The following FYCO1 variants were observed in gnomAD, a reference collection of about 807,000 sequenced individuals.
FYCO1 encodes the protein FYVE and coiled-coil domain-containing protein 1.
In FYCO1, 122 loss-of-function variants were observed where a neutral mutation model predicts 165.1. That is an observed-to-expected ratio of 0.74 (90% CI 0.64 to 0.86). The LOEUF is 0.86. Ranked by LOEUF, FYCO1 falls within the 40% of genes least tolerant of loss-of-function variation. The pLI is 0.00. For synonymous variants in FYCO1, 648 were observed against 742.5 expected, an observed-to-expected ratio of 0.87 and a Z score of 2.07; for missense variants, 1,702 against 1,810.3, an observed-to-expected ratio of 0.94 and a Z score of 1.09.
chr3:45,994,201 A>G (rs1707688292), intron 1 of FYCO1, among the ~76,000 whole-genome samples: 1 of 147,532 alleles, frequency 6.8e-6, no homozygotes, highest in Non-Finnish European at 1.5e-5. Context: ...GACTGTTACC[A>G]ATCTCTAAAG....
intron 14 of FYCO1, among the ~76,000 whole-genome samples, chr3:45,952,472 GT>G (rs1559452432): frequency 6.6e-6 from 1 of 152,162 alleles, no homozygotes; most frequent in Non-Finnish European, 1.5e-5. Context: ...CAAAAAAAGT[GT>G]CTGACAACGC....
At chr3:45,924,460 G>A (rs1210137969) in intron 16 of FYCO1, among the ~76,000 whole-genome samples, 2 of 152,266 alleles carry the variant, frequency 1.3e-5, no homozygotes, top group Admixed American at 6.5e-5. Flanking sequence ...AAGGGTGTGT[G>A]CTAGACAGGG....
At chr3:45,937,018 T>C (rs1703932052) in intron 14 of FYCO1, among the ~76,000 whole-genome samples, 1 of 152,052 alleles carries the variant, frequency 6.6e-6, no homozygotes, top group Non-Finnish European at 1.5e-5. Context: ...CCTTAGAACA[T>C]TTTGGCAAAT....
intron 15 of FYCO1, among the ~76,000 whole-genome samples, chr3:45,933,320 T>C (rs1575331279): frequency 1.3e-5 from 2 of 152,212 alleles, no homozygotes; most frequent in East Asian, 1.9e-4. Flanking sequence ...CATGATGTTG[T>C]TGCTAATCCT....
intron 4 of FYCO1, among the ~76,000 whole-genome samples, chr3:45,978,514 T>C (rs925905531): frequency 2.0e-5 from 3 of 152,170 alleles, no homozygotes; most frequent in Non-Finnish European, 4.4e-5. Context: ...TCTAACACCA[T>C]CATTCTCTAT....
rs1443216900 is a variant in FYCO1, at chr3:45,935,693, T to G, written c.4040+755A>C. 2.0e-5 allele frequency among the ~76,000 whole-genome samples: 3 copies of G among 152,250 alleles called. No homozygotes were observed. The East Asian group carries it at 5.8e-4, about 29-fold the overall frequency. ...ATCTTTTTCCATAGCAAGCACTACC[T>G]TGTAACATTTATACAATATTGACTT... On this transcript the variant is annotated intron_variant, in intron 15 of 17. Transcript: ENST00000296137.
chr3:45,978,045 G>T (rs1207347686), intron 4 of FYCO1, among the ~76,000 whole-genome samples: 1 of 152,164 alleles, frequency 6.6e-6, no homozygotes, highest in Non-Finnish European at 1.5e-5. Flanking sequence ...AGCAAGGAAT[G>T]TTTTTTGCTT....
At position 45,967,218 on chromosome 3, in the gene FYCO1, C is replaced by T; in HGVS notation, c.2116G>A (p.Glu706Lys). 6.2e-7 allele frequency: 1 copy of T among 1,614,082 alleles called. No homozygotes were observed. Among genetic ancestry groups the T allele is most frequent in the East Asian group, 2.2e-5 (1 of 44,870 alleles). ...TCCCGCAGCTGCTGACACTCGCCCT[C>T]CTTGCTCTGTAGAATGGCCTCCTTC... The part of the protein sequence containing the change: ...AEKEAILQSK[E>K]GECQQLREEV... Residue 706 changes from glutamate (E) to lysine (K), a missense_variant, in exon 8 of 18, where the codon GAG becomes AAG. Coordinates refer to ENST00000296137, the MANE Select transcript of FYCO1 (RefSeq NM_024513.4).
chr3:45,965,003 C>G (rs748307262), intron 9 of FYCO1, 30 bp downstream of exon 9: 3 of 1,584,744 alleles, frequency 1.9e-6, no homozygotes, highest in South Asian at 1.1e-5. Context: ...GATGCCCTCT[C>G]CCTGACAGGT....
chr3:45,980,421 T>TAGGGAAATAAGATAATG, intron 3 of FYCO1, among the ~76,000 whole-genome samples: 1 of 152,276 alleles, frequency 6.6e-6, no homozygotes, highest in Non-Finnish European at 1.5e-5. Context: ...TGCTTCGACT[T>TAGGGAAATAAGATAATG]AGGGAAATAA....
chr3:45,985,992 T>C (rs1005690041), intron 1 of FYCO1, among the ~76,000 whole-genome samples: 6 of 152,230 alleles, frequency 3.9e-5, no homozygotes, highest in Non-Finnish European at 8.8e-5. Flanking sequence ...TGAGGGTCTA[T>C]TGCGTGCAGG....
chr3:45,955,235 T>G lies in FYCO1; in HGVS notation c.3944+14A>C. On this transcript the variant is annotated intron_variant, in intron 14 of 17. Coordinates refer to ENST00000296137, the MANE Select transcript of FYCO1 (RefSeq NM_024513.4). ...GTAATGAGCACTCAGGAAATGGGGG[T>G]GACCTCTACTCACTGTTCAGCCGCA... 1 of 1,613,372 alleles carries G rather than the reference T, an allele frequency of 6.2e-7. No homozygotes were observed. The highest frequency in any genetic ancestry group is 8.5e-7 in the Non-Finnish European group (1 of 1,179,952).
In FYCO1 at chr3:45,931,352, G is replaced by A; in HGVS notation, c.4041-71C>T. On this transcript the variant is annotated intron_variant, in intron 15 of 17. Transcript: ENST00000296137. ...TTTGTGTCCACTGGCCAGGTCATCT[G>A]TGGCTCAGAGGTGGCTGGAGACTTC... 2.1e-6 allele frequency: 3 copies of A among 1,453,804 alleles called. No homozygotes were observed. In the South Asian group the frequency reaches 3.5e-5, roughly 17 times the overall value. 90.1% of individuals were successfully genotyped at this position (1,453,804 alleles called of 1,614,324 possible).
intron 14 of FYCO1, among the ~76,000 whole-genome samples, chr3:45,943,026 G>A (rs1002363823): frequency 1.3e-5 from 2 of 152,154 alleles, no homozygotes; most frequent in South Asian, 2.1e-4. Flanking sequence ...ATAAAGGCAG[G>A]ATAATATCCA....
At position 45,962,016 on chromosome 3, in the gene FYCO1, C is replaced by T. The variant is rs551671614; in HGVS notation, c.3437+209G>A. Among the ~76,000 whole-genome samples the T allele has an allele frequency of 9.2e-5, 14 of 152,312 alleles. No homozygotes were observed. In the East Asian group the frequency reaches 2.7e-3, roughly 29 times the overall value. ...AGTCCCCTCCTGATACAAGCTTCCA[C>T]TTGTATCAGCTGCCTGGTACCTGCA... is the stretch of plus-strand genomic sequence containing the variant. On this transcript the variant is annotated intron_variant, in intron 11 of 17. Transcript: ENST00000296137. The surrounding 1 kb of genome is among the most constrained non-coding windows in gnomAD (Gnocchi z 4.4).
chr3:45,976,357 T>G (rs963736881), intron 4 of FYCO1, among the ~76,000 whole-genome samples: 1 of 152,166 alleles, frequency 6.6e-6, no homozygotes, highest in Admixed American at 6.5e-5. Flanking sequence ...GCTGGGAGCA[T>G]ATAATGGCCA....
intron 1 of FYCO1, among the ~76,000 whole-genome samples, chr3:45,990,148 T>A (rs1707498245): frequency 6.6e-6 from 1 of 152,216 alleles, no homozygotes; most frequent in Admixed American, 6.5e-5. Context: ...AACTAAGAAC[T>A]GAATCTCTGA....
At chr3:45,970,422 T>G (rs755437596) in intron 6 of FYCO1, among the ~76,000 whole-genome samples, 1 of 152,234 alleles carries the variant, frequency 6.6e-6, no homozygotes, top group Non-Finnish European at 1.5e-5. Flanking sequence ...GTATCTTCCC[T>G]GAAGACAGTC....
chr3:45,932,401 G>A (rs1321996395), intron 15 of FYCO1, among the ~76,000 whole-genome samples: 2 of 152,234 alleles, frequency 1.3e-5, no homozygotes, highest in Non-Finnish European at 2.9e-5. Context: ...TTACTGCAAT[G>A]GCTCCTTGAG....
Sources: allele counts gnomAD v4.1 joint callset (sites outside exome capture counted in the v4.1 genomes callset), GRCh38; gene constraint gnomAD v4.1.1; non-coding constraint Gnocchi (gnomAD v3.1); transcripts MANE v1.5; gene names NCBI Gene and HGNC (gene_info 2026-07-23, HGNC 2026-07-21).